Variants in PKHD1 observed in about 807,000 individuals in gnomAD.
The protein encoded by PKHD1 is fibrocystin.
In PKHD1, 291 loss-of-function variants were observed where a neutral mutation model predicts 412.0. That is an observed-to-expected ratio of 0.71 (90% confidence interval 0.64 to 0.78). PKHD1 has a LOEUF of 0.78. Among genes scored for constraint, PKHD1 ranks in the 30% least tolerant of loss-of-function variants. PKHD1 has a pLI of 0.00. For synonymous variants in PKHD1, 1,777 were observed against 1,821.5 expected, an observed-to-expected ratio of 0.98 and a Z score of 0.62; for missense variants, 4,825 against 4,950.7, an observed-to-expected ratio of 0.97 and a Z score of 0.76.
At chr6:52,028,374 G>A in intron 29 of PKHD1, 23 bp from the exon 30 acceptor site, 1 of 1,607,486 alleles carries the variant, frequency 6.2e-7, no homozygotes, top group African/African-American at 1.3e-5. Context: ...GAATCCAATA[G>A]CCTCTGACAT....
At chr6:51,800,010 G>A (rs896611897) in intron 52 of PKHD1, among the ~76,000 whole-genome samples, 4 of 152,126 alleles carry the variant, frequency 2.6e-5, no homozygotes, top group African/African-American at 9.7e-5. Context: ...GGCATATGGA[G>A]GGAACCATCT....
chr6:51,665,681 CAG>C (rs1219330706), intron 60 of PKHD1, among the ~76,000 whole-genome samples: 3 of 152,078 alleles, frequency 2.0e-5, no homozygotes. Context: ...TGTAATAATT[CAG>C]AGTCTCTTAA....
At chr6:52,059,242 T>TTTTCC (rs1247080407) in intron 15 of PKHD1, among the ~76,000 whole-genome samples, 1 of 129,176 alleles carries the variant, frequency 7.7e-6, no homozygotes, top group Non-Finnish European at 1.6e-5. Flanking sequence ...ATCTTTCTTT[T>TTTTCC]TTTTCTTTTT....
intron 60 of PKHD1, among the ~76,000 whole-genome samples, chr6:51,676,387 T>C (rs1382427641): frequency 6.6e-6 from 1 of 152,068 alleles, no homozygotes; most frequent in Non-Finnish European, 1.5e-5. Flanking sequence ...AAAATTTATA[T>C]GTTTAAAATT....
chr6:51,996,169 C>CT (rs11392839), intron 35 of PKHD1, among the ~76,000 whole-genome samples: 49,868 of 98,910 alleles, frequency 0.5, 15,456 homozygotes, highest in Non-Finnish European at 0.65. Flanking sequence ...CGACGCCTGG[C>CT]TTTTTTTTTT....
At chr6:51,780,467 T>C (rs1791809836) in intron 53 of PKHD1, among the ~76,000 whole-genome samples, 1 of 151,536 alleles carries the variant, frequency 6.6e-6, no homozygotes, top group Non-Finnish European at 1.5e-5. Flanking sequence ...CAACACAAGA[T>C]ACATTCCAAA....
rs1011798140 is a variant in PKHD1 at position 51,632,576 on chromosome 6, C to T, written c.11654G>A (p.Ser3885Asn). The change falls in exon 65 of 67, where the codon AGC (serine) becomes AAC (asparagine). Residue 3885 changes from serine to asparagine, a missense_variant. Physicochemically the swap from Ser to Asn is conservative, Grantham distance 46. Transcript: ENST00000371117. ...SCLVCCWLKR[S>N]KSRKTKPEEI... is the part of the protein sequence containing the mutation. ...AAAAAACTACATACTTCTGCTTTTG[C>T]TTCTTTTAAGCCAACAGCACACCAG... The T allele has an allele frequency of 3.1e-6, 5 of 1,612,216 alleles. No individual in the cohort carries two copies. The highest frequency in any genetic ancestry group is 1.3e-5 in the African/African-American group (1 of 74,626).
chr6:52,067,659 G>C (rs1014745498), intron 11 of PKHD1, among the ~76,000 whole-genome samples: 1 of 152,154 alleles, frequency 6.6e-6, no homozygotes, highest in Non-Finnish European at 1.5e-5. Context: ...GGATGAATTA[G>C]AAGTGGCCTA....
At chr6:51,656,548 T>A (rs2150399437) in intron 61 of PKHD1, among the ~76,000 whole-genome samples, 1 of 152,214 alleles carries the variant, frequency 6.6e-6, no homozygotes, top group South Asian at 2.1e-4. Context: ...TGAATCCAGA[T>A]GCCTCTAGAG....
intron 63 of PKHD1, among the ~76,000 whole-genome samples, chr6:51,645,001 G>T (rs886820971): frequency 6.6e-6 from 1 of 152,064 alleles, no homozygotes; most frequent in Non-Finnish European, 1.5e-5. Context: ...TTTAAAGAGT[G>T]GTAAACACAT....
intron 62 of PKHD1, among the ~76,000 whole-genome samples, chr6:51,648,338 G>T (rs1770404364): frequency 6.6e-6 from 1 of 152,166 alleles, no homozygotes; most frequent in Non-Finnish European, 1.5e-5. Flanking sequence ...ACAAGTTGGG[G>T]CAGGACAGTG....
At chr6:51,904,486 C>A (rs1172317113) in intron 41 of PKHD1, among the ~76,000 whole-genome samples, 1 of 152,098 alleles carries the variant, frequency 6.6e-6, no homozygotes, top group Non-Finnish European at 1.5e-5. Flanking sequence ...CAAGCATGGG[C>A]CATGCTAATA....
chr6:51,810,871 CA>C (rs1269657767), intron 52 of PKHD1, among the ~76,000 whole-genome samples: 1 of 152,124 alleles, frequency 6.6e-6, no homozygotes, highest in East Asian at 1.9e-4. Flanking sequence ...CTTGGGGAAA[CA>C]GAGAGACTTC....
rs150626005 is a variant in PKHD1 at position 51,960,272 on chromosome 6, G to A, written c.5752-246C>T. On this transcript the variant is annotated intron_variant, in intron 35 of 66. Transcript: ENST00000371117. ...AACTAACCTAAACAGGAAAAAACAT[G>A]AGAGGCAAAATTATATTTGAAGTTC... is the stretch of plus-strand genomic sequence containing the variant. 9.6e-3 allele frequency among the ~76,000 whole-genome samples: 1,463 copies of A among 152,192 alleles called. 25 individuals are homozygous for A. Among genetic ancestry groups the A allele is most frequent in the African/African-American group, 0.033 (1,352 of 41,526 alleles).
At chr6:51,797,239 T>C (rs1045002957) in intron 52 of PKHD1, among the ~76,000 whole-genome samples, 2 of 152,224 alleles carry the variant, frequency 1.3e-5, no homozygotes, top group Non-Finnish European at 2.9e-5. Context: ...AATTTTAAAG[T>C]AAGTGCTGTG....
intron 35 of PKHD1, among the ~76,000 whole-genome samples, chr6:51,981,367 C>G (rs1322576419): frequency 1.0e-4 from 12 of 114,952 alleles, no homozygotes; most frequent in East Asian, 5.7e-4. Context: ...CCCTCTCCCT[C>G]TCCCTCCACG....
At chr6:51,973,378 C>T (rs1481281088) in intron 35 of PKHD1, among the ~76,000 whole-genome samples, 1 of 152,212 alleles carries the variant, frequency 6.6e-6, no homozygotes, top group Non-Finnish European at 1.5e-5. Flanking sequence ...ACCTGGAATT[C>T]ATTGTATGCA....
intron 66 of PKHD1, among the ~76,000 whole-genome samples, chr6:51,619,799 C>T (rs1766383968): frequency 6.6e-6 from 1 of 152,134 alleles, no homozygotes; most frequent in African/African-American, 2.4e-5. Flanking sequence ...CATGGTCAGG[C>T]CTTACCAACT....
intron 35 of PKHD1, among the ~76,000 whole-genome samples, chr6:52,007,484 G>A (rs1799236971): frequency 6.6e-6 from 1 of 152,174 alleles, no homozygotes; most frequent in Non-Finnish European, 1.5e-5. Flanking sequence ...GGCCAAGGTA[G>A]GGAAATTGTA....
Sources: allele counts gnomAD v4.1 joint callset (sites outside exome capture counted in the v4.1 genomes callset), GRCh38; gene constraint gnomAD v4.1.1; transcripts MANE v1.5; gene names NCBI Gene and HGNC (gene_info 2026-07-23, HGNC 2026-07-21).